ARB2A: variants seen among roughly 807,000 people sequenced by gnomAD.
The protein encoded by ARB2A is ARB2 cotranscriptional regulator A.
the ARB2A span, among the ~76,000 whole-genome samples, chr5:93,926,986 C>T: frequency 1.4e-5 from 2 of 146,672 alleles, no homozygotes; most frequent in Admixed American, 1.4e-4. Flanking sequence ...GAATTTAGGT[C>T]ATTGAGAGAA....
the ARB2A span, among the ~76,000 whole-genome samples, chr5:94,111,281 G>A: frequency 6.6e-6 from 1 of 152,102 alleles, no homozygotes; most frequent in Admixed American, 6.5e-5. Context: ...GTCATCCAGG[G>A]AACACACACG....
At chr5:93,791,967 T>C in the ARB2A span, among the ~76,000 whole-genome samples, 2 of 151,574 alleles carry the variant, frequency 1.3e-5, no homozygotes, top group South Asian at 4.2e-4. Flanking sequence ...CATTAAGTGA[T>C]TGACAATCTG....
At chr5:93,623,976 A>C in the ARB2A span, among the ~76,000 whole-genome samples, 1 of 152,172 alleles carries the variant, frequency 6.6e-6, no homozygotes, top group Non-Finnish European at 1.5e-5. Flanking sequence ...GACCATTTTC[A>C]AAAATTTAGG....
At chr5:93,798,860 G>A in the ARB2A span, among the ~76,000 whole-genome samples, 1 of 152,078 alleles carries the variant, frequency 6.6e-6, no homozygotes, top group East Asian at 1.9e-4. Context: ...AATACTACAG[G>A]CTCCAAAGTG....
chr5:94,111,188 C>T, the ARB2A span, among the ~76,000 whole-genome samples: 1 of 152,142 alleles, frequency 6.6e-6, no homozygotes, highest in Non-Finnish European at 1.5e-5. Context: ...ACCACAATAC[C>T]TCCACTCGCA....
the ARB2A span, among the ~76,000 whole-genome samples, chr5:93,820,327 C>T: frequency 6.6e-6 from 1 of 152,052 alleles, no homozygotes; most frequent in Non-Finnish European, 1.5e-5. Context: ...TTAAAGGTTA[C>T]TTGATTTGGC....
At chr5:93,852,965 T>C in the ARB2A span, among the ~76,000 whole-genome samples, 1 of 152,224 alleles carries the variant, frequency 6.6e-6, no homozygotes, top group Non-Finnish European at 1.5e-5. Context: ...ATATGAACTT[T>C]AAAGTAGTTT....
At chr5:93,798,914 G>A in the ARB2A span, among the ~76,000 whole-genome samples, 18 of 152,238 alleles carry the variant, frequency 1.2e-4, 1 homozygote, top group East Asian at 3.5e-3. Context: ...CACCAAGGTG[G>A]TTTGTACACA....
the ARB2A span, chr5:93,781,796 CAT>C: frequency 2.7e-5 from 20 of 751,994 alleles, no homozygotes; most frequent in Non-Finnish European, 3.2e-5. Context: ...AGCATTTTTT[CAT>C]ATGTTTATTG....
At chr5:93,824,204 C>T in the ARB2A span, 6 of 1,596,654 alleles carry the variant, frequency 3.8e-6, no homozygotes, top group South Asian at 1.1e-5. Context: ...ACATTCTCAG[C>T]AGCAGCCTGA....
the ARB2A span, among the ~76,000 whole-genome samples, chr5:93,762,719 G>C: frequency 7.9e-5 from 12 of 152,170 alleles, no homozygotes; most frequent in African/African-American, 2.6e-4. Context: ...AGATACTCCT[G>C]GAGAAGAGCA....
the ARB2A span, chr5:93,683,413 C>G: frequency 1.3e-3 from 2,101 of 1,602,314 alleles, 3 homozygotes; most frequent in Non-Finnish European, 1.6e-3. Flanking sequence ...AACCACACTT[C>G]AACCTTAAGA....
At chr5:93,868,880 T>G in the ARB2A span, among the ~76,000 whole-genome samples, 1 of 152,224 alleles carries the variant, frequency 6.6e-6, no homozygotes, top group African/African-American at 2.4e-5. Context: ...GAAACTCTAT[T>G]TCTTTAATCG....
At chr5:94,026,258 C>T in the ARB2A span, among the ~76,000 whole-genome samples, 1 of 152,080 alleles carries the variant, frequency 6.6e-6, no homozygotes, top group Non-Finnish European at 1.5e-5. Context: ...GGCCCTGCTG[C>T]TTCCCGTCGT....
At chr5:94,085,220 ACAGT>A in the ARB2A span, among the ~76,000 whole-genome samples, 2 of 152,234 alleles carry the variant, frequency 1.3e-5, no homozygotes, top group Admixed American at 6.5e-5. Flanking sequence ...CATCATCAAA[ACAGT>A]CAGTTTATTC....
At chr5:93,664,123 G>A in the ARB2A span, among the ~76,000 whole-genome samples, 3 of 151,384 alleles carry the variant, frequency 2.0e-5, no homozygotes, top group East Asian at 2.0e-4. Flanking sequence ...CAGGCTGGGC[G>A]GGGGTGGGGG....
chr5:93,920,674 G>A, the ARB2A span, among the ~76,000 whole-genome samples: 2 of 152,140 alleles, frequency 1.3e-5, no homozygotes, highest in Middle Eastern at 3.4e-3. Context: ...ATGCACACAA[G>A]CACTTACACA....
the ARB2A span, chr5:93,617,920 C>T: frequency 5.9e-5 from 9 of 152,070 alleles, no homozygotes; most frequent in African/African-American, 2.2e-4. Flanking sequence ...TACCTTACAG[C>T]AATACTAACA....
chr5:93,662,324 ATAAGAGTAAAC>A, the ARB2A span, among the ~76,000 whole-genome samples: 1 of 152,166 alleles, frequency 6.6e-6, no homozygotes, highest in African/African-American at 2.4e-5. Context: ...CCCATATTGG[ATAAGAGTAAAC>A]TAAAAAGGAG....
Sources: gnomAD v4.1 joint callset for allele counts (sites outside exome capture counted in the v4.1 genomes callset) on GRCh38, gnomAD v4.1.1 for gene constraint, MANE v1.5 for transcripts, NCBI Gene and HGNC (gene_info 2026-07-23, HGNC 2026-07-21) for gene names.